Variants in EPN2 observed in about 807,000 individuals in gnomAD.
EPN2 encodes epsin 2.
Under a neutral mutation model 61.7 loss-of-function variants are expected in EPN2, and 34 were observed. The observed-to-expected ratio is 0.55, with a 90% CI of 0.42 to 0.73. The LOEUF is 0.73. EPN2 is among the 30% of genes least tolerant of loss of function. The pLI is 0.00. For synonymous variants in EPN2, 349 were observed against 353.6 expected (o/e 0.99, Z 0.15); for missense variants, 714 against 839.2 (o/e 0.85, Z 1.84).
intron 1 of EPN2, among the ~76,000 whole-genome samples, chr17:19,252,536 A>G (rs972308138): frequency 6.6e-6 from 1 of 152,190 alleles, no homozygotes; most frequent in Non-Finnish European, 1.5e-5. Context: ...CTTTATTGGA[A>G]AATGCTTCAA....
intron 7 of EPN2, among the ~76,000 whole-genome samples, chr17:19,326,686 CAAAAA>C (rs36161060): frequency 6.5e-5 from 5 of 76,848 alleles, no homozygotes; most frequent in East Asian, 7.4e-4. Flanking sequence ...GACTCCGTCT[CAAAAA>C]AAAAAAAAAA....
rs941424461 is a variant in EPN2 at position 19,285,041 on chromosome 17, G to A, written c.596-579G>A. ...ACAAATGAAGATTGCCCTTTAAGAA[G>A]TGAAATTGTTTTATTTCTCTCAAGG... On this transcript the variant is annotated intron_variant, in intron 3 of 10. Coordinates refer to ENST00000314728, the MANE Select transcript of EPN2 (RefSeq NM_014964.5). The surrounding 1 kb of genome is among the most constrained non-coding windows in gnomAD (Gnocchi z 4.5). Among the ~76,000 whole-genome samples the A allele has an allele frequency of 2.6e-5, 4 of 152,228 alleles. No homozygotes were observed. Among genetic ancestry groups the A allele is most frequent in the African/African-American group, 7.2e-5 (3 of 41,444 alleles).
rs2045381630 is a variant in EPN2 at position 19,283,960 on chromosome 17, ATTCT to A, written c.595+247_595+250del. ...AACGCCCTTTGCTGCTCTGGGCCTC[ATTCT>A]GTACATCTGGGCAGACGGTGGGCAG... On this transcript the variant is annotated intron_variant, in intron 3 of 10. Transcript: ENST00000314728. The surrounding 1 kb of genome is among the most constrained non-coding windows in gnomAD (Gnocchi z 7.0). Among the ~76,000 whole-genome samples, 12 of 152,286 alleles carry A rather than the reference ATTCT, an allele frequency of 7.9e-5. No homozygotes were observed. The highest frequency in any genetic ancestry group is 4.6e-4 in the Admixed American group (7 of 15,300).
intron 7 of EPN2, among the ~76,000 whole-genome samples, chr17:19,318,352 A>G (rs1336763318): frequency 6.6e-6 from 1 of 151,754 alleles, no homozygotes; most frequent in African/African-American, 2.4e-5. Flanking sequence ...GATCGAGACC[A>G]TCCTTGGCCA....
intron 1 of EPN2, among the ~76,000 whole-genome samples, chr17:19,263,958 G>A (rs540903430): frequency 5.6e-4 from 86 of 152,286 alleles, no homozygotes; most frequent in African/African-American, 2.0e-3. Flanking sequence ...TATTTGGAGG[G>A]CAAGTAAACA....
chr17:19,244,328 G>A (rs1236411760), intron 1 of EPN2, among the ~76,000 whole-genome samples: 2 of 152,082 alleles, frequency 1.3e-5, no homozygotes, highest in Admixed American at 6.6e-5. Flanking sequence ...GTGTGGTGGC[G>A]TGGGCCTGTA....
chr17:19,319,313 G>A (rs1906538549), intron 7 of EPN2, among the ~76,000 whole-genome samples: 1 of 152,076 alleles, frequency 6.6e-6, no homozygotes. Flanking sequence ...TAGATGGAAG[G>A]ACAGATTCTA....
chr17:19,290,886 C>T (rs925717000), intron 4 of EPN2, among the ~76,000 whole-genome samples: 18 of 152,024 alleles, frequency 1.2e-4, no homozygotes, highest in Non-Finnish European at 2.4e-4. Flanking sequence ...TCCTCATGGC[C>T]CCTCCTGTCT....
chr17:19,285,845 GGT>G lies in EPN2; in HGVS notation c.766+59_766+60del. The G allele has an allele frequency of 6.8e-7, 1 of 1,480,114 alleles. No homozygotes were observed. Among genetic ancestry groups the G allele is most frequent in the Non-Finnish European group, 9.0e-7 (1 of 1,105,850 alleles). The allele number at this position is 1,480,114 out of a possible 1,614,324, so 91.7% of individuals were successfully genotyped here. ...TAGAAATGCTGGGCAGCTTGCTGGG[GGT>G]GTGCTTGCCATGCCAGTACAGCCAA... On this transcript the variant is annotated intron_variant, in intron 4 of 10. Transcript: ENST00000314728. This position sits in a 1 kb window ranked among gnomAD's most constrained non-coding sequence, Gnocchi z 4.5.
intron 4 of EPN2, among the ~76,000 whole-genome samples, chr17:19,290,597 G>A (rs1033753125): frequency 4.0e-5 from 6 of 150,538 alleles, no homozygotes; most frequent in South Asian, 2.1e-4. Flanking sequence ...CTGAGTCTGC[G>A]GAGCCAGAGC....
At chr17:19,247,244 T>C (rs1360128513) in intron 1 of EPN2, among the ~76,000 whole-genome samples, 1 of 152,216 alleles carries the variant, frequency 6.6e-6, no homozygotes, top group African/African-American at 2.4e-5. Context: ...CTGAGGCCAG[T>C]GTCAACCTGA....
chr17:19,327,031 A>C (rs1392007378), intron 7 of EPN2, among the ~76,000 whole-genome samples: 1 of 152,202 alleles, frequency 6.6e-6, no homozygotes, highest in African/African-American at 2.4e-5. Context: ...AAAGTAAGCT[A>C]ATACTAAGCA....
chr17:19,291,028 C>A (rs1015726071), intron 4 of EPN2, among the ~76,000 whole-genome samples: 4 of 152,218 alleles, frequency 2.6e-5, no homozygotes, highest in African/African-American at 4.8e-5. Context: ...CACACCCCAC[C>A]CGGCAAGGGT....
At chr17:19,248,036 A>G (rs977614157) in intron 1 of EPN2, among the ~76,000 whole-genome samples, 5 of 152,178 alleles carry the variant, frequency 3.3e-5, no homozygotes, top group African/African-American at 9.7e-5. Flanking sequence ...GTTAATTCTC[A>G]TAGTCTGTGT....
intron 4 of EPN2, among the ~76,000 whole-genome samples, chr17:19,289,724 G>GGTTT (rs2045441670): frequency 1.3e-5 from 1 of 78,028 alleles, no homozygotes; most frequent in Non-Finnish European, 2.3e-5. Flanking sequence ...GGCGCTCATG[G>GGTTT]TTTTTTTTTT....
chr17:19,264,609 G>A (rs138536593), intron 1 of EPN2, among the ~76,000 whole-genome samples: 42 of 152,272 alleles, frequency 2.8e-4, no homozygotes, highest in Non-Finnish European at 5.3e-4. Flanking sequence ...ATTCTGCCAG[G>A]TAGTTATTTT....
chr17:19,256,424 A>G (rs1205710052), intron 1 of EPN2, among the ~76,000 whole-genome samples: 1 of 151,098 alleles, frequency 6.6e-6, no homozygotes, highest in Non-Finnish European at 1.5e-5. Flanking sequence ...TGTCTCAAAA[A>G]AAAAAAAAAA....
chr17:19,299,842 C>T (rs182752646), intron 4 of EPN2, among the ~76,000 whole-genome samples: 1 of 152,312 alleles, frequency 6.6e-6, no homozygotes, highest in East Asian at 1.9e-4. Context: ...CAGCTTCCTC[C>T]TCTGTAAACT....
chr17:19,298,294 A>G (rs1737595175), intron 4 of EPN2, among the ~76,000 whole-genome samples: 1 of 152,114 alleles, frequency 6.6e-6, no homozygotes, highest in Non-Finnish European at 1.5e-5. Flanking sequence ...CCCCAGGTTC[A>G]AGTGATTCTC....
Sources: gnomAD v4.1 joint callset for allele counts (sites outside exome capture counted in the v4.1 genomes callset) on GRCh38, gnomAD v4.1.1 for gene constraint, Gnocchi (gnomAD v3.1) non-coding constraint, MANE v1.5 for transcripts, NCBI Gene and HGNC (gene_info 2026-07-23, HGNC 2026-07-21) for gene names.